The following KAZN variants were observed in gnomAD, a reference collection of about 807,000 sequenced individuals.
KAZN encodes the protein kazrin, periplakin interacting protein.
A neutral mutation model predicts 87.4 loss-of-function variants in KAZN; 40 were observed. That is an observed-to-expected ratio of 0.46 (90% CI 0.36 to 0.60). KAZN has a LOEUF of 0.60. Among genes scored for constraint, KAZN ranks in the 20% least tolerant of loss-of-function variants. The probability of loss-of-function intolerance (pLI) is 0.00; values close to 1 mark genes in which losing one functional copy is unlikely to be tolerated. For synonymous variants in KAZN, 466 were observed against 458.3 expected (o/e 1.02, Z -0.22); for missense variants, 898 against 1,073.9 (o/e 0.84, Z 2.29).
At chr1:14,961,442 G>A (rs1663853950) in intron 2 of KAZN, among the ~76,000 whole-genome samples, 1 of 152,164 alleles carries the variant, frequency 6.6e-6, no homozygotes, top group Admixed American at 6.5e-5. Flanking sequence ...TTTAGGAGAT[G>A]AGGAAACCGC....
chr1:14,933,194 C>T (rs375578598), intron 1 of KAZN, among the ~76,000 whole-genome samples: 3 of 152,156 alleles, frequency 2.0e-5, no homozygotes, highest in Non-Finnish European at 2.9e-5. Context: ...TGGGTTCAAG[C>T]GATTCTCCTG....
chr1:14,622,667 G>GT (rs888426075), intron 1 of KAZN, among the ~76,000 whole-genome samples: 3 of 146,962 alleles, frequency 2.0e-5, no homozygotes, highest in Admixed American at 6.8e-5. Context: ...TCCAGCCAGG[G>GT]TGACAGAGCG....
intron 2 of KAZN, among the ~76,000 whole-genome samples, chr1:14,989,264 T>C (rs1667122758): frequency 6.6e-6 from 1 of 152,156 alleles, no homozygotes; most frequent in African/African-American, 2.4e-5. Flanking sequence ...TCACTTGAGG[T>C]CAGGAGTTCG....
intron 2 of KAZN, among the ~76,000 whole-genome samples, chr1:14,989,886 G>T (rs575159175): frequency 6.6e-6 from 1 of 152,324 alleles, no homozygotes; most frequent in South Asian, 2.1e-4. Flanking sequence ...AGCAAGTGGT[G>T]CTGGCTGCAG....
At chr1:13,932,396 G>A (rs113517300) in intron 1 of KAZN, among the ~76,000 whole-genome samples, 4,525 of 150,280 alleles carry the variant, frequency 0.03, 221 homozygotes, top group African/African-American at 0.1. Flanking sequence ...GAGTAGCTGG[G>A]ACTACAGGCG....
At chr1:14,997,412 G>C (rs1218449882) in intron 2 of KAZN, among the ~76,000 whole-genome samples, 1 of 151,740 alleles carries the variant, frequency 6.6e-6, no homozygotes, top group East Asian at 1.9e-4. Flanking sequence ...AGCTCATTTT[G>C]TATTTTTGGT....
chr1:14,756,618 T>C (rs1644573726), intron 1 of KAZN, among the ~76,000 whole-genome samples: 1 of 152,220 alleles, frequency 6.6e-6, no homozygotes, highest in Non-Finnish European at 1.5e-5. Flanking sequence ...GCCTGTTTCA[T>C]TGGATGTAGC....
chr1:14,425,151 C>G (rs1157424030), intron 2 of KAZN, among the ~76,000 whole-genome samples: 1 of 152,174 alleles, frequency 6.6e-6, no homozygotes, highest in Non-Finnish European at 1.5e-5. Flanking sequence ...AGAGGCCAAC[C>G]TGAACCCAGC....
chr1:14,298,331 A>G (rs1467138515), intron 2 of KAZN, among the ~76,000 whole-genome samples: 1 of 152,238 alleles, frequency 6.6e-6, no homozygotes, highest in Admixed American at 6.5e-5. Context: ...AGCCCTTGTC[A>G]TTCATGAAAT....
intron 1 of KAZN, among the ~76,000 whole-genome samples, chr1:14,602,987 T>A (rs1437106625): frequency 6.6e-6 from 1 of 152,208 alleles, no homozygotes; most frequent in Non-Finnish European, 1.5e-5. Flanking sequence ...TGCGTGCAAG[T>A]TGTATTTTTC....
chr1:14,548,442 G>T (rs528058850), intron 2 of KAZN, among the ~76,000 whole-genome samples: 1 of 152,000 alleles, frequency 6.6e-6, no homozygotes, highest in Non-Finnish European at 1.5e-5. Context: ...CAGGTGATCC[G>T]CCCACCTCTG....
intron 1 of KAZN, among the ~76,000 whole-genome samples, chr1:14,862,486 A>AT (rs917311309): frequency 5.3e-5 from 8 of 152,082 alleles, no homozygotes; most frequent in African/African-American, 1.9e-4. Context: ...CTTTGGATTG[A>AT]TTTTTGCCAG....
intron 1 of KAZN, among the ~76,000 whole-genome samples, chr1:14,876,903 C>G (rs937138191): frequency 1.3e-5 from 2 of 152,172 alleles, no homozygotes; most frequent in African/African-American, 2.4e-5. Flanking sequence ...AGTAAGAAAG[C>G]CTTTGGGCAA....
chr1:14,787,002 A>G (rs1317273410), intron 1 of KAZN, among the ~76,000 whole-genome samples: 2 of 152,148 alleles, frequency 1.3e-5, no homozygotes, highest in Admixed American at 6.5e-5. Flanking sequence ...AACTCTTGAC[A>G]CCAAACATCT....
intron 2 of KAZN, among the ~76,000 whole-genome samples, chr1:14,542,820 A>G (rs778350301): frequency 2.6e-5 from 4 of 152,214 alleles, no homozygotes; most frequent in Non-Finnish European, 5.9e-5. Context: ...AAGCGGGGGA[A>G]CAGCAAAGTG....
intron 1 of KAZN, among the ~76,000 whole-genome samples, chr1:14,128,164 T>C (rs1485463636): frequency 1.3e-5 from 2 of 152,142 alleles, no homozygotes; most frequent in Non-Finnish European, 1.5e-5. Flanking sequence ...CCTTTTTGTG[T>C]GCTTGGGGGC....
intron 2 of KAZN, among the ~76,000 whole-genome samples, chr1:15,030,042 C>T (rs1039882858): frequency 6.6e-6 from 1 of 152,192 alleles, no homozygotes; most frequent in Non-Finnish European, 1.5e-5. Context: ...GGTACCCATT[C>T]CACCCCAGCT....
intron 2 of KAZN, among the ~76,000 whole-genome samples, chr1:14,361,662 C>T (rs557216590): frequency 2.7e-4 from 41 of 152,354 alleles, no homozygotes; most frequent in Non-Finnish European, 3.8e-4. Context: ...CCATGCCTCA[C>T]GGCACAGTCC....
At chr1:14,017,163 C>T (rs1166288001) in intron 1 of KAZN, among the ~76,000 whole-genome samples, 1 of 152,162 alleles carries the variant, frequency 6.6e-6, no homozygotes, top group Admixed American at 6.5e-5. Context: ...TCTGCTTTTT[C>T]TCAATGACGT....
Sources: allele counts gnomAD v4.1 joint callset (sites outside exome capture counted in the v4.1 genomes callset), GRCh38; gene constraint gnomAD v4.1.1; transcripts MANE v1.5; gene names NCBI Gene and HGNC (gene_info 2026-07-23, HGNC 2026-07-21).